Variants in OPCML observed in about 807,000 individuals in gnomAD.
The protein encoded by OPCML is opioid binding protein/cell adhesion molecule like.
A neutral mutation model predicts 37.8 loss-of-function variants in OPCML; 13 were observed. The ratio of observed to expected loss-of-function variants is 0.34; its 90% CI spans 0.22 to 0.55. The LOEUF (loss-of-function observed/expected upper bound fraction) is 0.55, where lower values mean the gene tolerates loss of function less well. Among genes scored for constraint, OPCML ranks in the 20% least tolerant of loss-of-function variants. The pLI, the probability that OPCML is intolerant of heterozygous loss-of-function variation, is 0.91. For missense variants in OPCML, 341 were observed against 435.6 expected, an observed-to-expected ratio of 0.78 and a Z score of 1.93; for synonymous variants, 176 against 168.8, an observed-to-expected ratio of 1.04 and a Z score of -0.33.
intron 2 of OPCML, among the ~76,000 whole-genome samples, chr11:132,683,685 A>T (rs3018406): frequency 0.49 from 75,080 of 151,950 alleles, 18,699 homozygotes; most frequent in Admixed American, 0.58. Flanking sequence ...CAGTATTTCC[A>T]ATTCTTCTCA....
In OPCML at chr11:132,647,763, G is replaced by T. The variant is rs1941230674; in HGVS notation, c.379+9324C>A. On this transcript the variant is annotated intron_variant, in intron 3 of 7. Coordinates refer to ENST00000524381, the MANE Select transcript of OPCML (RefSeq NM_001012393.5). ...AGAAAATTCACATATAAGTGGAACT[G>T]CATGGTTCAGACTCATATGGTTCAA... is the stretch of plus-strand genomic sequence containing the variant. 2.0e-5 allele frequency among the ~76,000 whole-genome samples: 3 copies of T among 152,240 alleles called. No individual in the cohort carries two copies. In the South Asian group the frequency reaches 6.2e-4, roughly 32 times the overall value.
chr11:132,558,606 A>G (rs1217723140), intron 3 of OPCML, among the ~76,000 whole-genome samples: 1 of 149,890 alleles, frequency 6.7e-6, no homozygotes, highest in South Asian at 2.2e-4. Flanking sequence ...GTGGAATACA[A>G]GTTCATCTAT....
chr11:132,802,729 G>A lies in OPCML; in HGVS notation c.146+140197C>T, dbSNP rs148277046. Among the ~76,000 whole-genome samples the A allele has an allele frequency of 6.0e-3, 908 of 152,256 alleles. 3 individuals are homozygous for A. The highest frequency in any genetic ancestry group is 0.01 in the Non-Finnish European group (692 of 68,030). Reference sequence around the variant, plus strand: ...CCTATCCTGAGTACCAGAAAAGTGCGTGAAGTCAAAGCCATGTCAGAGATT... The same window carrying A: ...CCTATCCTGAGTACCAGAAAAGTGCATGAAGTCAAAGCCATGTCAGAGATT... On this transcript the variant is annotated intron_variant, in intron 2 of 7. Coordinates refer to ENST00000524381, the MANE Select transcript of OPCML (RefSeq NM_001012393.5).
intron 1 of OPCML, among the ~76,000 whole-genome samples, chr11:133,129,098 C>G (rs944333072): frequency 6.6e-6 from 1 of 152,142 alleles, no homozygotes; most frequent in African/African-American, 2.4e-5. Flanking sequence ...CAGGTGGGAA[C>G]TGAAAGACTC....
chr11:132,453,785 C>A (rs1236808187), intron 4 of OPCML, among the ~76,000 whole-genome samples: 2 of 152,078 alleles, frequency 1.3e-5, no homozygotes, highest in African/African-American at 2.4e-5. Context: ...CTTCAGCAGG[C>A]AGAACTGGGA....
intron 2 of OPCML, among the ~76,000 whole-genome samples, chr11:132,732,685 A>G (rs1162459571): frequency 6.6e-6 from 1 of 152,226 alleles, no homozygotes; most frequent in African/African-American, 2.4e-5. Context: ...GACCTGAAAG[A>G]AAGGCCCCAA....
intron 2 of OPCML, among the ~76,000 whole-genome samples, chr11:132,773,628 G>T (rs1394496027): frequency 2.0e-5 from 3 of 152,156 alleles, no homozygotes; most frequent in Non-Finnish European, 4.4e-5. Context: ...CGAAAACTGT[G>T]CCTCACCCAT....
chr11:132,447,309 T>C lies in OPCML; in HGVS notation c.506-9950A>G, dbSNP rs566689188. On this transcript the variant is annotated intron_variant, in intron 4 of 7. Coordinates refer to ENST00000524381, the MANE Select transcript of OPCML (RefSeq NM_001012393.5). ...CCTGTCTTCCCAATGTACTTTGTTT[T>C]CTTTTGAGACAGAGTTTCACGCTCT... 8.5e-5 allele frequency among the ~76,000 whole-genome samples: 13 copies of C among 152,250 alleles called. No individual in the cohort carries two copies. The East Asian group carries it at 2.3e-3, about 27-fold the overall frequency.
chr11:133,155,038 T>C (rs1351908883), intron 1 of OPCML, among the ~76,000 whole-genome samples: 1 of 152,116 alleles, frequency 6.6e-6, no homozygotes, highest in Non-Finnish European at 1.5e-5. Flanking sequence ...GGAGGCACAC[T>C]CTGAGTATGT....
rs889489332 is a variant in OPCML, at chr11:133,303,758, T to C, written c.61+228506A>G. Among the ~76,000 whole-genome samples, 16 of 151,588 alleles carry C rather than the reference T, an allele frequency of 1.1e-4. No individual in the cohort carries two copies. In the East Asian group the frequency reaches 1.2e-3, roughly 11 times the overall value. On this transcript the variant is annotated intron_variant, in intron 1 of 7. Coordinates refer to ENST00000524381, the MANE Select transcript of OPCML (RefSeq NM_001012393.5). ...AGAGCAGCTTGAAATGTGGGGATGA[T>C]GAGAACTCCAGAAAGTTTGTAGAAA...
intron 2 of OPCML, among the ~76,000 whole-genome samples, chr11:132,795,212 T>G (rs1938235444): frequency 1.3e-5 from 2 of 152,226 alleles, no homozygotes; most frequent in Admixed American, 6.5e-5. Flanking sequence ...TACGTTTGAA[T>G]TTTTCTTATC....
intron 1 of OPCML, among the ~76,000 whole-genome samples, chr11:133,269,280 CG>C (rs1311765346): frequency 6.6e-6 from 1 of 152,112 alleles, no homozygotes; most frequent in Non-Finnish European, 1.5e-5. Flanking sequence ...GGAAATTCCC[CG>C]AGAGTGAAAC....
chr11:133,132,355 C>A (rs1949618196), intron 1 of OPCML, among the ~76,000 whole-genome samples: 1 of 152,160 alleles, frequency 6.6e-6, no homozygotes. Context: ...ATTCAAACAG[C>A]TACAATTAAA....
intron 4 of OPCML, among the ~76,000 whole-genome samples, chr11:132,513,078 T>A (rs556133424): frequency 1.3e-5 from 2 of 152,268 alleles, no homozygotes; most frequent in East Asian, 3.9e-4. Flanking sequence ...CCTCATTACA[T>A]ATCAAGGTAT....
chr11:133,442,375 A>G (rs920082609), intron 1 of OPCML, among the ~76,000 whole-genome samples: 1 of 152,200 alleles, frequency 6.6e-6, no homozygotes, highest in Admixed American at 6.5e-5. Flanking sequence ...TTTTAGTGCA[A>G]TATGGTGGCC....
intron 1 of OPCML, among the ~76,000 whole-genome samples, chr11:133,140,510 T>C (rs1949755813): frequency 1.0e-5 from 1 of 96,240 alleles, no homozygotes; most frequent in African/African-American, 3.7e-5. Flanking sequence ...AGACTCTGTC[T>C]CAAAATAATA....
intron 3 of OPCML, among the ~76,000 whole-genome samples, chr11:132,564,975 C>A (rs976299091): frequency 6.6e-6 from 1 of 152,180 alleles, no homozygotes; most frequent in African/African-American, 2.4e-5. Context: ...AAGGGAACAA[C>A]AATGGCAAAT....
intron 2 of OPCML, among the ~76,000 whole-genome samples, chr11:132,927,279 A>T (rs1191469856): frequency 6.6e-6 from 1 of 152,152 alleles, no homozygotes; most frequent in Non-Finnish European, 1.5e-5. Context: ...CCAAAGAGAA[A>T]TTGAGAATCT....
chr11:132,901,284 G>T (rs1050057233), intron 2 of OPCML, among the ~76,000 whole-genome samples: 19 of 152,204 alleles, frequency 1.2e-4, no homozygotes, highest in African/African-American at 4.6e-4. Flanking sequence ...CTCACATCCA[G>T]GACAAGCTAA....
Sources: gnomAD v4.1 joint callset for allele counts (sites outside exome capture counted in the v4.1 genomes callset) on GRCh38, gnomAD v4.1.1 for gene constraint, MANE v1.5 for transcripts, NCBI Gene and HGNC (gene_info 2026-07-23, HGNC 2026-07-21) for gene names.